Variants in AGFG1 observed in about 807,000 individuals in gnomAD.
AGFG1 encodes the protein ArfGAP with FG repeats 1, also known as arf-GAP domain and FG repeat-containing protein 1.
A neutral mutation model predicts 60.6 loss-of-function variants in AGFG1; 10 were observed. That is an observed-to-expected ratio of 0.16 (90% CI 0.10 to 0.28). The LOEUF is 0.28. Ranked by LOEUF, AGFG1 falls within the 10% of genes least tolerant of loss-of-function variation. The pLI is 1.00. For synonymous variants in AGFG1, 247 were observed against 242.9 expected (o/e 1.02, Z -0.16); for missense variants, 537 against 676.5 (o/e 0.79, Z 2.29).
intron 1 of AGFG1, among the ~76,000 whole-genome samples, chr2:227,490,381 A>G (rs937248715): frequency 6.6e-6 from 1 of 152,096 alleles, no homozygotes; most frequent in African/African-American, 2.4e-5. Flanking sequence ...GATTGAGAAC[A>G]TCCTGGCTAA....
intron 1 of AGFG1, among the ~76,000 whole-genome samples, chr2:227,488,997 T>C (rs930822835): frequency 6.6e-6 from 1 of 151,932 alleles, no homozygotes; most frequent in Non-Finnish European, 1.5e-5. Context: ...TAGTTTTTAG[T>C]AGAGACAGGG....
chr2:227,477,113 G>C (rs1215305929), intron 1 of AGFG1, among the ~76,000 whole-genome samples: 1 of 152,078 alleles, frequency 6.6e-6, no homozygotes, highest in Non-Finnish European at 1.5e-5. Context: ...TGTTGGCCAG[G>C]CTCGTCTTAA....
Position 227,558,406 on chromosome 2 carries a change from A to G in AGFG1, c.*3911A>G, listed in dbSNP as rs1393636783. The stretch of plus-strand genomic sequence containing the variant: ...CAGTTTATTCTTGGTTTTTTTTTTT[A>G]ACTTTAGAAGTAAATTAATATGGTA... On this transcript the variant is annotated 3_prime_UTR_variant, in exon 13 of 13. Coordinates refer to ENST00000310078, the MANE Select transcript of AGFG1 (RefSeq NM_004504.5). The G allele has an allele frequency of 2.0e-5, 3 of 150,726 alleles. No homozygotes were observed. The highest frequency in any genetic ancestry group is 3.0e-5 in the Non-Finnish European group (2 of 67,746). 9.3% of individuals were successfully genotyped at this position (150,726 alleles called of 1,614,324 possible). A position where few individuals can be genotyped will look rare whatever the true frequency, so the allele number is the denominator to read the frequency against.
At chr2:227,473,008 C>T (rs1304986526) in intron 1 of AGFG1, among the ~76,000 whole-genome samples, 2 of 139,526 alleles carry the variant, frequency 1.4e-5, no homozygotes, top group African/African-American at 5.3e-5. Context: ...CATGCGGGTC[C>T]TTTGTGTGCC....
intron 4 of AGFG1, among the ~76,000 whole-genome samples, chr2:227,524,514 A>G (rs1383313207): frequency 6.6e-6 from 1 of 152,216 alleles, no homozygotes; most frequent in Non-Finnish European, 1.5e-5. Context: ...TGCAGCCTCT[A>G]TCCTATACAA....
intron 10 of AGFG1, 24 bp from the exon 11 acceptor site, chr2:227,551,935 T>C (rs201403315): frequency 1.9e-6 from 3 of 1,611,572 alleles, no homozygotes; most frequent in Non-Finnish European, 2.5e-6. Context: ...TGTATGTAAC[T>C]GATCAGCCCT....
At position 227,549,924 on chromosome 2, in the gene AGFG1, G is replaced by T. The variant is rs1331509139; in HGVS notation, c.1379-2035G>T. The T allele has an allele frequency of 2.3e-5, 6 of 264,622 alleles. No homozygotes were observed. In the East Asian group the frequency reaches 7.3e-4, roughly 32 times the overall value. 16.4% of individuals were successfully genotyped at this position (264,622 alleles called of 1,614,324 possible). On this transcript the variant is annotated intron_variant, in intron 10 of 12. Coordinates refer to ENST00000310078, the MANE Select transcript of AGFG1 (RefSeq NM_004504.5). ...AGTCTTATTTTGTGAATGTGTTTTTGTTATGTATTATGCTACCCCCTTAGC... is the reference window on the plus strand; with the variant it reads ...AGTCTTATTTTGTGAATGTGTTTTTTTTATGTATTATGCTACCCCCTTAGC...
intron 8 of AGFG1, 27 bp from the exon 9 acceptor site, chr2:227,536,598 A>T: frequency 6.3e-7 from 1 of 1,595,348 alleles, no homozygotes; most frequent in Non-Finnish European, 8.6e-7. Flanking sequence ...AAGAAAAAAA[A>T]TGAACTCTTT....
At chr2:227,534,795 G>T (rs763108263) in intron 7 of AGFG1, 50 bp from the exon 8 acceptor site, 42 of 1,594,036 alleles carry the variant, frequency 2.6e-5, no homozygotes, top group Middle Eastern at 1.7e-4. Context: ...TTGATAAGTT[G>T]AAAGTGTAAC....
At chr2:227,484,228 GC>G (rs1368308102) in intron 1 of AGFG1, among the ~76,000 whole-genome samples, 2 of 151,918 alleles carry the variant, frequency 1.3e-5, no homozygotes, top group African/African-American at 4.8e-5. Flanking sequence ...TTACTCTGTG[GC>G]CCAGGCTGGA....
At chr2:227,477,822 C>G (rs1314851923) in intron 1 of AGFG1, among the ~76,000 whole-genome samples, 1 of 152,022 alleles carries the variant, frequency 6.6e-6, no homozygotes, top group Non-Finnish European at 1.5e-5. Context: ...GTTGGCCAGG[C>G]TGGTCTTGAA....
chr2:227,496,628 A>C (rs191099058), intron 2 of AGFG1, among the ~76,000 whole-genome samples: 16 of 152,176 alleles, frequency 1.1e-4, no homozygotes, highest in Non-Finnish European at 2.1e-4. Flanking sequence ...AACCTTGGGC[A>C]AGAAGCTTTT....
intron 1 of AGFG1, 51 bp downstream of exon 1, chr2:227,472,639 G>C: frequency 6.5e-7 from 1 of 1,530,600 alleles, no homozygotes; most frequent in Non-Finnish European, 8.8e-7. Context: ...GGAGGTGGGG[G>C]AGCGGGCGGC....
intron 1 of AGFG1, among the ~76,000 whole-genome samples, chr2:227,478,046 A>G (rs568189212): frequency 6.6e-6 from 1 of 152,044 alleles, no homozygotes; most frequent in Non-Finnish European, 1.5e-5. Flanking sequence ...ACTGTTGTGT[A>G]TTCTGAAATC....
chr2:227,538,411 TAGG>T, intron 10 of AGFG1, among the ~76,000 whole-genome samples: 1 of 152,300 alleles, frequency 6.6e-6, no homozygotes, highest in African/African-American at 2.4e-5. Flanking sequence ...GTAAGAATGA[TAGG>T]GGGATGTTCA....
intron 10 of AGFG1, among the ~76,000 whole-genome samples, chr2:227,544,429 C>T (rs1692582958): frequency 6.6e-6 from 1 of 152,130 alleles, no homozygotes; most frequent in South Asian, 2.1e-4. Context: ...CAGTCTGTGT[C>T]TTTTAATTGG....
chr2:227,549,276 T>C (rs897764967), intron 10 of AGFG1, among the ~76,000 whole-genome samples: 1 of 152,174 alleles, frequency 6.6e-6, no homozygotes, highest in Non-Finnish European at 1.5e-5. Context: ...ATCATTCTTA[T>C]GCCAATTTAA....
At position 227,557,680 on chromosome 2, in the gene AGFG1, A is replaced by G. The variant is rs910180948; in HGVS notation, c.*3185A>G. 6.6e-6 allele frequency: 1 copy of G among 152,208 alleles called. No homozygotes were observed. Among genetic ancestry groups the G allele is most frequent in the Non-Finnish European group, 1.5e-5 (1 of 68,036 alleles). The allele number at this position is 152,208 out of a possible 1,614,324, so 9.4% of individuals were successfully genotyped here. A position where few individuals can be genotyped will look rare whatever the true frequency, so the allele number is the denominator to read the frequency against. Reference sequence around the variant, plus strand: ...TAAAAATAACTTTTCCAAAACAAAAACTAATGAGAACAGGAACATTGTTTT... The same window carrying G: ...TAAAAATAACTTTTCCAAAACAAAAGCTAATGAGAACAGGAACATTGTTTT... On this transcript the variant is annotated 3_prime_UTR_variant, in exon 13 of 13. Transcript: ENST00000310078.
chr2:227,531,958 G>T (rs930828249), intron 6 of AGFG1, among the ~76,000 whole-genome samples: 7 of 152,164 alleles, frequency 4.6e-5, no homozygotes, highest in Non-Finnish European at 1.5e-5. Flanking sequence ...TTTAAACATT[G>T]AATACTCTTT....
Sources: gnomAD v4.1 joint callset for allele counts (sites outside exome capture counted in the v4.1 genomes callset) on GRCh38, gnomAD v4.1.1 for gene constraint, MANE v1.5 for transcripts, NCBI Gene and HGNC (gene_info 2026-07-23, HGNC 2026-07-21) for gene names.